The following PRIM1 variants were observed in gnomAD, a reference collection of about 807,000 sequenced individuals.
PRIM1 encodes the protein DNA primase subunit 1, also known as DNA primase small subunit.
In PRIM1, 38 loss-of-function variants were observed where a neutral mutation model predicts 60.2. That is an observed-to-expected ratio of 0.63 (90% CI 0.49 to 0.83). The LOEUF is 0.83. Ranked by LOEUF, PRIM1 falls within the 40% of genes least tolerant of loss-of-function variation. The pLI is 0.00. For synonymous variants in PRIM1, 158 were observed against 160.2 expected (o/e 0.99, Z 0.10); for missense variants, 388 against 506.2 (o/e 0.77, Z 2.24).
chr12:56,735,344 TG>T (rs1953819322), intron 11 of PRIM1, among the ~76,000 whole-genome samples: 1 of 147,770 alleles, frequency 6.8e-6, no homozygotes, highest in South Asian at 2.2e-4. Context: ...GTGATCCACC[TG>T]CCTCAGTCTC....
intron 1 of PRIM1, 90 bp downstream of exon 1, chr12:56,752,106 A>G: frequency 1.1e-6 from 1 of 917,246 alleles, no homozygotes; most frequent in South Asian, 1.6e-5. Flanking sequence ...AGCCTGGTGC[A>G]CAGAAGGCGC....
At position 56,743,099 on chromosome 12, in the gene PRIM1, G is replaced by A; in HGVS notation, c.639-3C>T. 6.6e-7 allele frequency: 1 copy of A among 1,516,486 alleles called. No individual in the cohort carries two copies. The highest frequency in any genetic ancestry group is 8.8e-7 in the Non-Finnish European group (1 of 1,136,638). 93.9% of individuals were successfully genotyped at this position (1,516,486 alleles called of 1,614,324 possible). A position where few individuals can be genotyped will look rare whatever the true frequency, so the allele number is the denominator to read the frequency against. ...TTTTTATTATGTTTATAGATTTTCT[G>A]TAAGAACAACAATAACAACAGAGTC... On this transcript the variant is annotated splice_region_variant and splice_polypyrimidine_tract_variant and intron_variant, in intron 6 of 12. Transcript: ENST00000338193.
chr12:56,736,050 C>T (rs1953826029), intron 11 of PRIM1, among the ~76,000 whole-genome samples: 1 of 151,412 alleles, frequency 6.6e-6, no homozygotes, highest in Non-Finnish European at 1.5e-5. Flanking sequence ...ATAATCCCAG[C>T]ACTTTGGGAG....
chr12:56,745,228 AT>A (rs1231184787), intron 5 of PRIM1, among the ~76,000 whole-genome samples: 1 of 152,032 alleles, frequency 6.6e-6, no homozygotes, highest in African/African-American at 2.4e-5. Context: ...CCTGGGCAAT[AT>A]AGTGAGACCT....
At position 56,751,933 on chromosome 12, in the gene PRIM1, G is replaced by A. The variant is rs2137871896; in HGVS notation, c.103+263C>T. The stretch of plus-strand genomic sequence containing the variant: ...CAGGTAAACGGGGCACCTAATGTGA[G>A]CCTGACCACGCAGAGGTAGGAGCGG... On this transcript the variant is annotated intron_variant, in intron 1 of 12. Transcript: ENST00000338193. 3 of 221,324 alleles carry A rather than the reference G, an allele frequency of 1.4e-5. No individual in the cohort carries two copies. The South Asian group carries it at 2.8e-4, about 20-fold the overall frequency. The allele number at this position is 221,324 out of a possible 1,614,324, so 13.7% of individuals were successfully genotyped here.
chr12:56,736,409 G>C (rs1206627733), intron 11 of PRIM1, among the ~76,000 whole-genome samples: 3 of 149,706 alleles, frequency 2.0e-5, no homozygotes, highest in Non-Finnish European at 4.4e-5. Flanking sequence ...AATAAGAAAG[G>C]AGTTTCACAT....
At chr12:56,745,897 C>G in intron 5 of PRIM1, 148 bp downstream of exon 5, 1 of 781,150 alleles carries the variant, frequency 1.3e-6, no homozygotes, top group Non-Finnish European at 1.9e-6. Flanking sequence ...CAAGATCATG[C>G]CATTGCAGTC....
In PRIM1 at chr12:56,752,193, CA is replaced by C. The variant is rs1276854599; in HGVS notation, c.103+2del. On this transcript the variant is annotated splice_donor_variant, in intron 1 of 12. Transcript: ENST00000338193. LOFTEE classifies it high-confidence loss of function. Reference sequence around the variant, plus strand: ...TCCCGAACCCATTCCTCGCCTCCATCACCTCCACCGTAGTTGAGCCAGCGAT... The same window carrying C: ...TCCCGAACCCATTCCTCGCCTCCATCCCTCCACCGTAGTTGAGCCAGCGAT... 28 of 1,584,368 alleles carry C rather than the reference CA, an allele frequency of 1.8e-5. No individual in the cohort carries two copies. The highest frequency in any genetic ancestry group is 2.4e-5 in the Non-Finnish European group (28 of 1,162,154).
chr12:56,745,381 A>G (rs1370531820), intron 5 of PRIM1, among the ~76,000 whole-genome samples: 1 of 152,070 alleles, frequency 6.6e-6, no homozygotes, highest in Non-Finnish European at 1.5e-5. Flanking sequence ...ACCGTACTCC[A>G]GCCTGGGTGA....
intron 5 of PRIM1, 46 bp from the exon 6 acceptor site, chr12:56,744,169 A>C: frequency 7.3e-7 from 1 of 1,367,258 alleles, no homozygotes; most frequent in Non-Finnish European, 1.0e-6. Context: ...TACAATATAA[A>C]TACAGTCATG....
intron 11 of PRIM1, among the ~76,000 whole-genome samples, chr12:56,737,453 G>A (rs528389079): frequency 2.0e-5 from 3 of 151,778 alleles, no homozygotes; most frequent in African/African-American, 4.8e-5. Context: ...GAGTTCAAGC[G>A]ATTCTCCTGC....
chr12:56,738,536 C>G lies in PRIM1; in HGVS notation c.1053-11G>C, dbSNP rs1254392188. On this transcript the variant is annotated splice_polypyrimidine_tract_variant and intron_variant, in intron 10 of 12. Transcript: ENST00000338193. ...TCACGGCAGATGAAGCTGCAAGTAACAGAACAAGAGAATTTTGTTTTTGTT... is the reference window on the plus strand; with the variant it reads ...TCACGGCAGATGAAGCTGCAAGTAAGAGAACAAGAGAATTTTGTTTTTGTT... 6.4e-7 allele frequency: 1 copy of G among 1,565,010 alleles called. No individual in the cohort carries two copies. Among genetic ancestry groups the G allele is most frequent in the Admixed American group, 1.9e-5 (1 of 52,538 alleles).
intron 5 of PRIM1, 62 bp downstream of exon 5, chr12:56,745,983 A>G (rs1051177253): frequency 4.7e-6 from 7 of 1,474,008 alleles, no homozygotes; most frequent in Middle Eastern, 1.8e-4. Context: ...GACAGTAAAC[A>G]TATCAGGCTT....
In PRIM1 at chr12:56,746,626, T is replaced by TCACACACACA. The variant is rs71446569; in HGVS notation, c.442+145_442+154dup. 95 of 640,628 alleles carry TCACACACACA rather than the reference T, an allele frequency of 1.5e-4. No homozygotes were observed. The East Asian group carries it at 2.5e-3, about 17-fold the overall frequency. The allele number at this position is 640,628 out of a possible 1,614,324, so 39.7% of individuals were successfully genotyped here. A position where few individuals can be genotyped will look rare whatever the true frequency, so the allele number is the denominator to read the frequency against. On this transcript the variant is annotated intron_variant, in intron 4 of 12. Transcript: ENST00000338193. ...AGCCTGGCTGACAGAGTGAGACTCG[T>TCACACACACA]CACACACACACACACACACACACAC...
At chr12:56,749,907 T>C (rs548702209) in intron 2 of PRIM1, among the ~76,000 whole-genome samples, 2 of 152,362 alleles carry the variant, frequency 1.3e-5, no homozygotes, top group South Asian at 2.1e-4. Flanking sequence ...CAAATATTTA[T>C]AGTGTACTGT....
intron 2 of PRIM1, among the ~76,000 whole-genome samples, chr12:56,749,136 G>A (rs1336443052): frequency 1.3e-5 from 2 of 152,090 alleles, no homozygotes; most frequent in Non-Finnish European, 2.9e-5. Flanking sequence ...AGCCTCCTGA[G>A]TAGCTGGGAC....
intron 12 of PRIM1, among the ~76,000 whole-genome samples, chr12:56,733,091 G>T (rs1209054366): frequency 2.1e-4 from 31 of 151,026 alleles, no homozygotes; most frequent in Non-Finnish European, 7.4e-5. Flanking sequence ...CTGACCTCAG[G>T]TGATCCACCT....
At chr12:56,735,619 T>A (rs1023028018) in intron 11 of PRIM1, among the ~76,000 whole-genome samples, 1 of 151,968 alleles carries the variant, frequency 6.6e-6, no homozygotes, top group African/African-American at 2.4e-5. Context: ...CACGCCCTTT[T>A]GGAGATTATT....
chr12:56,746,978 G>C lies in PRIM1; in HGVS notation c.316C>G (p.Leu106Val). Residue 106 changes from leucine to valine, a missense_variant, in exon 3 of 13, where the codon CTG becomes GTG. Physicochemically the swap from Leu to Val is conservative, Grantham distance 32. Coordinates refer to ENST00000338193, the MANE Select transcript of PRIM1 (RefSeq NM_000946.3). Reference protein sequence around the residue: ...LGAFQAQEKELVFDIDMTDYD... With the variant: ...LGAFQAQEKEVVFDIDMTDYD... ...TCTGTCATGTCAATGTCAAATACCA[G>C]TTCTTTTTCCTGAGCCTGGAAAGCT... 6.2e-7 allele frequency: 1 copy of C among 1,613,860 alleles called. No individual in the cohort carries two copies. The highest frequency in any genetic ancestry group is 8.5e-7 in the Non-Finnish European group (1 of 1,179,850).
Sources: gnomAD v4.1 joint callset for allele counts (sites outside exome capture counted in the v4.1 genomes callset) on GRCh38, gnomAD v4.1.1 for gene constraint, MANE v1.5 for transcripts, NCBI Gene and HGNC (gene_info 2026-07-23, HGNC 2026-07-21) for gene names.